CMSS1: variants seen among roughly 807,000 people sequenced by gnomAD.
CMSS1 encodes the protein cms1 ribosomal small subunit homolog, also known as protein CMSS1.
Under a neutral mutation model 43.5 loss-of-function variants are expected in CMSS1, and 33 were observed. That is an observed-to-expected ratio of 0.76 (90% CI 0.57 to 1.01). The LOEUF (loss-of-function observed/expected upper bound fraction) is 1.01, where lower values mean the gene tolerates loss of function less well. Ranked by LOEUF, CMSS1 falls within the 50% of genes least tolerant of loss-of-function variation. The pLI is 0.00. For missense variants in CMSS1, 313 were observed against 326.4 expected, an observed-to-expected ratio of 0.96 and a Z score of 0.32; for synonymous variants, 115 against 117.2, an observed-to-expected ratio of 0.98 and a Z score of 0.12.
chr3:100,168,506 C>A (rs758177678), intron 6 of CMSS1, among the ~76,000 whole-genome samples: 1 of 152,012 alleles, frequency 6.6e-6, no homozygotes, highest in Non-Finnish European at 1.5e-5. Context: ...CCAGCCTGGG[C>A]AACATAATAA....
At chr3:99,841,399 A>T (rs555019095) in intron 1 of CMSS1, among the ~76,000 whole-genome samples, 147 of 152,316 alleles carry the variant, frequency 9.7e-4, no homozygotes, top group Non-Finnish European at 1.7e-3. Flanking sequence ...CTTTTGCCGG[A>T]ACAGCAGATA....
intron 1 of CMSS1, chr3:99,851,128 GTACT>G: frequency 2.3e-6 from 3 of 1,317,618 alleles, no homozygotes; most frequent in Non-Finnish European, 3.1e-6. Flanking sequence ...CTCATCGAAT[GTACT>G]TAAATATATA....
At chr3:99,853,432 T>C (rs1943803160) in intron 1 of CMSS1, among the ~76,000 whole-genome samples, 1 of 152,242 alleles carries the variant, frequency 6.6e-6, no homozygotes, top group Non-Finnish European at 1.5e-5. Flanking sequence ...GGGTGTGTTT[T>C]CTTAGGATAT....
chr3:99,833,272 G>A, intron 1 of CMSS1: 4 of 1,607,626 alleles, frequency 2.5e-6, no homozygotes, highest in Non-Finnish European at 3.4e-6. Context: ...CTAGGGAGCA[G>A]TAGAAAGAAG....
chr3:99,850,387 A>G (rs1943616578), intron 1 of CMSS1: 1 of 1,613,430 alleles, frequency 6.2e-7, no homozygotes, highest in African/African-American at 1.3e-5. Flanking sequence ...AGCGTCTTCT[A>G]ACTTTTCCAG....
Position 99,901,391 on chromosome 3 carries a change from C to T in CMSS1, c.64+83348C>T, listed in dbSNP as rs1265424222. The stretch of plus-strand genomic sequence containing the variant: ...AAATCCTCAAAAATGTAGTGACAAG[C>T]GATGACTCATTTTAGCTCATGTCAA... On this transcript the variant is annotated intron_variant, in intron 1 of 9. Transcript: ENST00000421999. 8.5e-5 allele frequency among the ~76,000 whole-genome samples: 13 copies of T among 152,302 alleles called. No individual in the cohort carries two copies. In the South Asian group the frequency reaches 2.3e-3, roughly 27 times the overall value.
chr3:100,032,632 T>C (rs946348662), intron 1 of CMSS1, among the ~76,000 whole-genome samples: 2 of 152,172 alleles, frequency 1.3e-5, no homozygotes, highest in African/African-American at 4.8e-5. Context: ...AAAGGCTATA[T>C]TGACGAACTT....
At chr3:100,157,728 G>A (rs1431100993) in intron 2 of CMSS1, among the ~76,000 whole-genome samples, 1 of 152,190 alleles carries the variant, frequency 6.6e-6, no homozygotes, top group African/African-American at 2.4e-5. Context: ...TGTCTTCAGA[G>A]AATAGATCTC....
chr3:100,164,704 T>G (rs1301921720), intron 4 of CMSS1, among the ~76,000 whole-genome samples: 1 of 151,888 alleles, frequency 6.6e-6, no homozygotes, highest in African/African-American at 2.4e-5. Flanking sequence ...AAGCTAGATG[T>G]GGGGAAGGAG....
At chr3:100,026,857 C>T (rs2064931580) in intron 1 of CMSS1, among the ~76,000 whole-genome samples, 1 of 152,144 alleles carries the variant, frequency 6.6e-6, no homozygotes, top group East Asian at 1.9e-4. Context: ...CATCGCCCCA[C>T]TGCCCACAAT....
intron 1 of CMSS1, among the ~76,000 whole-genome samples, chr3:99,821,427 C>A (rs927431695): frequency 6.6e-6 from 1 of 152,112 alleles, no homozygotes; most frequent in African/African-American, 2.4e-5. Context: ...GGAGTCATGG[C>A]CCAACATAAG....
Position 99,900,739 on chromosome 3 carries a change from C to A in CMSS1, c.64+82696C>A, listed in dbSNP as rs576771309. On this transcript the variant is annotated intron_variant, in intron 1 of 9. Transcript: ENST00000421999. ...GTGCTGATACTCAAACTGAGCTGCA[C>A]GTTGGAACTACCTGGTGTGAGCTTT... Among the ~76,000 whole-genome samples the A allele has an allele frequency of 5.3e-5, 8 of 152,302 alleles. No individual in the cohort carries two copies. The South Asian group carries it at 1.4e-3, about 28-fold the overall frequency.
At chr3:100,025,194 G>A (rs1451160372) in intron 1 of CMSS1, among the ~76,000 whole-genome samples, 2 of 152,140 alleles carry the variant, frequency 1.3e-5, no homozygotes, top group Admixed American at 6.5e-5. Context: ...ATTTTCCTAT[G>A]CCTATAGTAG....
chr3:100,139,851 G>C (rs1362778556), intron 1 of CMSS1, among the ~76,000 whole-genome samples: 1 of 149,452 alleles, frequency 6.7e-6, no homozygotes, highest in Admixed American at 6.7e-5. Flanking sequence ...AAGTTCATCA[G>C]AACACTGCCA....
At chr3:99,939,676 T>G (rs1019857161) in intron 1 of CMSS1, among the ~76,000 whole-genome samples, 1 of 152,172 alleles carries the variant, frequency 6.6e-6, no homozygotes, top group African/African-American at 2.4e-5. Flanking sequence ...AAAAATTTGA[T>G]AGTAGGTGTT....
chr3:100,033,000 C>A (rs577685122), intron 1 of CMSS1, among the ~76,000 whole-genome samples: 1 of 152,066 alleles, frequency 6.6e-6, no homozygotes, highest in South Asian at 2.1e-4. Context: ...AATCCATATC[C>A]CCCTCACATG....
At chr3:99,919,875 A>G (rs915506282) in intron 1 of CMSS1, among the ~76,000 whole-genome samples, 12 of 152,224 alleles carry the variant, frequency 7.9e-5, no homozygotes, top group African/African-American at 2.9e-4. Context: ...TTGAAGCTGG[A>G]CACCTGGTGA....
chr3:100,079,512 CAA>C (rs1335167416), intron 1 of CMSS1, among the ~76,000 whole-genome samples: 2 of 152,112 alleles, frequency 1.3e-5, no homozygotes, highest in East Asian at 1.9e-4. Flanking sequence ...CATGAAAAAT[CAA>C]AAGAGTTATT....
intron 1 of CMSS1, among the ~76,000 whole-genome samples, chr3:100,078,999 T>C (rs1357010013): frequency 2.6e-5 from 4 of 152,184 alleles, no homozygotes; most frequent in East Asian, 1.9e-4. Flanking sequence ...GTGGCCCACG[T>C]TGGACAAGCT....
Sources: gnomAD v4.1 joint callset for allele counts (sites outside exome capture counted in the v4.1 genomes callset) on GRCh38, gnomAD v4.1.1 for gene constraint, MANE v1.5 for transcripts, NCBI Gene and HGNC (gene_info 2026-07-23, HGNC 2026-07-21) for gene names.